PDGFRL: variants seen among roughly 807,000 people sequenced by gnomAD.
PDGFRL encodes the protein platelet-derived growth factor receptor-like protein.
In PDGFRL, 46 loss-of-function variants were observed where a neutral mutation model predicts 37.2. That is an observed-to-expected ratio of 1.24 (90% CI 0.98 to 1.58). The LOEUF (loss-of-function observed/expected upper bound fraction) is 1.58. Ranked by LOEUF, PDGFRL falls within the 40% of genes most tolerant of loss-of-function variation. PDGFRL has a pLI of 0.00. For synonymous variants in PDGFRL, 251 were observed against 184.3 expected, an observed-to-expected ratio of 1.36 and a Z score of -2.93; for missense variants, 692 against 467.6, an observed-to-expected ratio of 1.48 and a Z score of -4.43.
chr8:17,595,867 G>A (rs534708007), intron 2 of PDGFRL, among the ~76,000 whole-genome samples: 1 of 152,328 alleles, frequency 6.6e-6, no homozygotes, highest in Admixed American at 6.5e-5. Flanking sequence ...TGTACAACTC[G>A]AGGGGCCTTT....
In PDGFRL at chr8:17,640,298, G is replaced by A. The variant is rs554806767; in HGVS notation, c.940-2315G>A. The stretch of plus-strand genomic sequence containing the variant: ...TCTGGCAATTCAGGGATTTCTTTTT[G>A]GATTGGATAAATTGCTGGTGAGCTA... On this transcript the variant is annotated intron_variant, in intron 5 of 5. Coordinates refer to ENST00000251630, the MANE Select transcript of PDGFRL (RefSeq NM_001372073.1). 4.6e-5 allele frequency among the ~76,000 whole-genome samples: 7 copies of A among 152,178 alleles called. No individual in the cohort carries two copies. In the South Asian group the frequency reaches 1.5e-3, roughly 32 times the overall value.
intron 2 of PDGFRL, among the ~76,000 whole-genome samples, chr8:17,591,975 C>T (rs1297853258): frequency 2.0e-5 from 3 of 152,118 alleles, no homozygotes; most frequent in African/African-American, 7.2e-5. Flanking sequence ...TGCATGTTCA[C>T]AACGATTTAT....
At chr8:17,616,882 A>G (rs2237825) in intron 2 of PDGFRL, among the ~76,000 whole-genome samples, 76,295 of 152,050 alleles carry the variant, frequency 0.5, 20,475 homozygotes, top group Middle Eastern at 0.63. Flanking sequence ...CTTGGCTTGC[A>G]GAGTCTTCAC....
At chr8:17,594,602 T>C (rs1033421689) in intron 2 of PDGFRL, among the ~76,000 whole-genome samples, 4 of 151,734 alleles carry the variant, frequency 2.6e-5, no homozygotes, top group African/African-American at 9.7e-5. Context: ...TCACCCAGGC[T>C]GGAGTGCAGT....
intron 5 of PDGFRL, among the ~76,000 whole-genome samples, chr8:17,642,382 A>G (rs1459472291): frequency 1.3e-5 from 2 of 152,256 alleles, no homozygotes; most frequent in East Asian, 1.9e-4. Flanking sequence ...AAAAGGGCAG[A>G]AAGACAGTGC....
At chr8:17,628,802 T>G (rs771288902) in intron 4 of PDGFRL, 22 bp downstream of exon 4, 2 of 1,570,772 alleles carry the variant, frequency 1.3e-6, no homozygotes, top group African/African-American at 2.7e-5. Context: ...CACCCCTGCC[T>G]AGATTCTAGT....
chr8:17,630,533 C>T (rs1430270553), intron 4 of PDGFRL, among the ~76,000 whole-genome samples: 3 of 152,118 alleles, frequency 2.0e-5, no homozygotes, highest in African/African-American at 7.2e-5. Flanking sequence ...ATCTTCAGTC[C>T]CAACAATTCA....
intron 2 of PDGFRL, among the ~76,000 whole-genome samples, chr8:17,593,678 G>A (rs931710639): frequency 1.9e-4 from 29 of 151,490 alleles, no homozygotes; most frequent in South Asian, 4.2e-4. Flanking sequence ...GCGGATCACC[G>A]GAGGTCAGGA....
At chr8:17,638,738 CATATATATATATATATATATATATAT>C (rs56085770) in intron 5 of PDGFRL, among the ~76,000 whole-genome samples, 4,324 of 47,402 alleles carry the variant, frequency 0.091, 431 homozygotes, top group African/African-American at 0.21. Flanking sequence ...GCATTAGGTG[CATATATATATATATATATATATATAT>C]ATATATATAT....
At chr8:17,601,377 C>G (rs1438116890) in intron 2 of PDGFRL, among the ~76,000 whole-genome samples, 2 of 152,068 alleles carry the variant, frequency 1.3e-5, no homozygotes, top group Non-Finnish European at 2.9e-5. Flanking sequence ...ATCATGTGAC[C>G]TGAGACTCTG....
intron 1 of PDGFRL, among the ~76,000 whole-genome samples, chr8:17,587,000 C>A (rs1803832718): frequency 6.6e-6 from 1 of 152,110 alleles, no homozygotes; most frequent in African/African-American, 2.4e-5. Flanking sequence ...TTTTTTAAGT[C>A]TTTGAAAAAT....
intron 1 of PDGFRL, among the ~76,000 whole-genome samples, chr8:17,578,286 C>T (rs1429371007): frequency 6.6e-6 from 1 of 152,148 alleles, no homozygotes; most frequent in Non-Finnish European, 1.5e-5. Context: ...GGAGCCAGCT[C>T]GACCTGGCTC....
chr8:17,615,724 G>A (rs1804509434), intron 2 of PDGFRL, among the ~76,000 whole-genome samples: 1 of 152,144 alleles, frequency 6.6e-6, no homozygotes, highest in Non-Finnish European at 1.5e-5. Context: ...AGACTAGCCT[G>A]GGCGACGCAG....
At chr8:17,617,139 A>C (rs534834662) in intron 2 of PDGFRL, among the ~76,000 whole-genome samples, 2 of 152,210 alleles carry the variant, frequency 1.3e-5, no homozygotes, top group South Asian at 4.2e-4. Flanking sequence ...ATACACATAC[A>C]CGGGGTCTTA....
intron 2 of PDGFRL, among the ~76,000 whole-genome samples, chr8:17,606,660 C>T (rs368520474): frequency 6.6e-5 from 10 of 151,348 alleles, no homozygotes; most frequent in East Asian, 2.0e-4. Flanking sequence ...GTTCTGAGAG[C>T]GTTCAGCTTG....
At chr8:17,600,846 G>C (rs1804152516) in intron 2 of PDGFRL, among the ~76,000 whole-genome samples, 1 of 151,524 alleles carries the variant, frequency 6.6e-6, no homozygotes, top group Admixed American at 6.6e-5. Flanking sequence ...GCCAGGCATA[G>C]TAGTGCACCC....
chr8:17,628,974 T>C (rs575485560), intron 4 of PDGFRL, among the ~76,000 whole-genome samples, 194 bp downstream of exon 4: 1 of 152,114 alleles, frequency 6.6e-6, no homozygotes, highest in South Asian at 2.1e-4. Flanking sequence ...TGGAATGCAG[T>C]GGCACAACCA....
At chr8:17,614,487 T>C (rs940014193) in intron 2 of PDGFRL, among the ~76,000 whole-genome samples, 1 of 152,224 alleles carries the variant, frequency 6.6e-6, no homozygotes, top group African/African-American at 2.4e-5. Context: ...CGAGTCTTTA[T>C]CGCTCTTGAT....
rs71729974 is a variant in PDGFRL at position 17,590,888 on chromosome 8, A to ATTTTTTTT, written c.353+1128_353+1135dup. ...CTTCTCATTATTATTATTATTATTA[A>ATTTTTTTT]TTTTTTTTTTTTGAGACGGAGTCTC... On this transcript the variant is annotated intron_variant, in intron 2 of 5. Coordinates refer to ENST00000251630, the MANE Select transcript of PDGFRL (RefSeq NM_001372073.1). Among the ~76,000 whole-genome samples the ATTTTTTTT allele has an allele frequency of 4.8e-4, 68 of 143,114 alleles. 5 individuals carry two copies. The highest frequency in any genetic ancestry group is 1.4e-3 in the African/African-American group (53 of 38,894). The allele number at this position is 143,114 out of a possible 152,430, so 93.9% of individuals were successfully genotyped here.
Sources: gnomAD v4.1 joint callset for allele counts (sites outside exome capture counted in the v4.1 genomes callset) on GRCh38, gnomAD v4.1.1 for gene constraint, MANE v1.5 for transcripts, NCBI Gene and HGNC (gene_info 2026-07-23, HGNC 2026-07-21) for gene names.